The following AGBL1 variants were observed in gnomAD, a reference collection of about 807,000 sequenced individuals.
AGBL1 encodes the protein cytosolic carboxypeptidase 4.
A neutral mutation model predicts 118.9 loss-of-function variants in AGBL1; 130 were observed. The ratio of observed to expected loss-of-function variants is 1.09; its 90% confidence interval spans 0.95 to 1.26. The LOEUF (loss-of-function observed/expected upper bound fraction) is 1.26. Among genes scored for constraint, AGBL1 ranks in the 50% most tolerant of loss-of-function variants. The pLI is 0.00. For synonymous variants in AGBL1, 555 were observed against 478.9 expected, an observed-to-expected ratio of 1.16 and a Z score of -2.08; for missense variants, 1,584 against 1,298.1, an observed-to-expected ratio of 1.22 and a Z score of -3.38.
intron 22 of AGBL1, among the ~76,000 whole-genome samples, chr15:86,893,739 A>G (rs1414660443): frequency 1.3e-5 from 2 of 152,180 alleles, no homozygotes; most frequent in East Asian, 3.9e-4. Context: ...CTTTGTCTCC[A>G]AACTCTGTGG....
intron 3 of AGBL1, among the ~76,000 whole-genome samples, chr15:86,144,415 C>T (rs1037627871): frequency 4.6e-5 from 7 of 152,280 alleles, no homozygotes; most frequent in South Asian, 2.1e-4. Context: ...ACGGACTCAA[C>T]CTAAACGCCC....
intron 18 of AGBL1, among the ~76,000 whole-genome samples, chr15:86,490,692 G>A (rs1446332272): frequency 1.3e-5 from 2 of 152,220 alleles, no homozygotes; most frequent in Non-Finnish European, 2.9e-5. Context: ...TTAGGAAACC[G>A]AATGCAAACT....
chr15:86,100,101 C>T (rs969263044), intron 1 of AGBL1, among the ~76,000 whole-genome samples: 2 of 151,468 alleles, frequency 1.3e-5, no homozygotes, highest in African/African-American at 4.9e-5. Flanking sequence ...TGTCAGATGG[C>T]TTTTATCCTT....
chr15:86,154,497 G>A lies in AGBL1; in HGVS notation c.330G>A (p.Lys110=), dbSNP rs754898743. 1 of 1,613,252 alleles carries A rather than the reference G, an allele frequency of 6.2e-7. No individual in the cohort carries two copies. ...ALDVTLILAR[K]NLSHGQNLLH... Reference sequence around the variant, plus strand: ...ATGTGACATTGATTCTGGCCAGGAAGAACCTATCCCATGGCCAGAATCTCC... The same window carrying A: ...ATGTGACATTGATTCTGGCCAGGAAAAACCTATCCCATGGCCAGAATCTCC... Residue 110 remains lysine, a synonymous_variant, in exon 4 of 23, where the codon AAG becomes AAA. Transcript: ENST00000614907.
rs569917891 is a variant in AGBL1, at chr15:86,301,490, A to G, written c.2374+6082A>G. Among the ~76,000 whole-genome samples the G allele has an allele frequency of 4.3e-4, 65 of 152,068 alleles. 2 individuals carry two copies. The South Asian group carries it at 0.013, about 30-fold the overall frequency. ...AGAGCATAATGAGTTCTCTCCATGG[A>G]AATCTTTAATAAAAGAAGTCAGAGA... On this transcript the variant is annotated intron_variant, in intron 17 of 22. Coordinates refer to ENST00000614907, the MANE Select transcript of AGBL1 (RefSeq NM_001386094.1).
In AGBL1 at chr15:86,224,837, C is replaced by A. The variant is rs567809659; in HGVS notation, c.489-77C>A. The A allele has an allele frequency of 3.3e-4, 475 of 1,423,110 alleles. 8 individuals are homozygous for A. The South Asian group carries it at 5.3e-3, about 16-fold the overall frequency. The allele number at this position is 1,423,110 out of a possible 1,614,324, so 88.2% of individuals were successfully genotyped here. On this transcript the variant is annotated intron_variant, in intron 5 of 22. Transcript: ENST00000614907. The stretch of plus-strand genomic sequence containing the variant: ...GGGTCTGTTATGGGGTGGCAATGGG[C>A]ATGCTGGCTGTGGGATCCATGTGCT...
chr15:86,114,757 C>T (rs1420644983), intron 1 of AGBL1, among the ~76,000 whole-genome samples: 2 of 152,112 alleles, frequency 1.3e-5, no homozygotes, highest in Non-Finnish European at 2.9e-5. Context: ...CAAATGACAA[C>T]CCACACCATG....
At chr15:86,256,627 G>T (rs983284049) in intron 7 of AGBL1, among the ~76,000 whole-genome samples, 4 of 152,202 alleles carry the variant, frequency 2.6e-5, no homozygotes, top group African/African-American at 4.8e-5. Flanking sequence ...ATGAGCAAGA[G>T]ACAGAAAAGT....
rs187150857 is a variant in AGBL1, at chr15:86,705,350, G to T, written c.3158+30914G>T. 5.9e-5 allele frequency among the ~76,000 whole-genome samples: 9 copies of T among 152,212 alleles called. No individual in the cohort carries two copies. In the East Asian group the frequency reaches 1.5e-3, roughly 26 times the overall value. On this transcript the variant is annotated intron_variant, in intron 22 of 22. Transcript: ENST00000614907. The stretch of plus-strand genomic sequence containing the variant: ...TTTTAAATAAATTACCCAGTCTTGG[G>T]TATGTCTTTATTAACAACGTAAGAA...
intron 9 of AGBL1, among the ~76,000 whole-genome samples, chr15:86,259,969 G>A (rs2078956429): frequency 6.6e-6 from 1 of 152,218 alleles, no homozygotes; most frequent in Non-Finnish European, 1.5e-5. Context: ...GTGGGGTAGA[G>A]AGAACCCTAA....
intron 22 of AGBL1, among the ~76,000 whole-genome samples, chr15:86,721,741 G>A (rs1279561108): frequency 6.6e-6 from 1 of 152,172 alleles, no homozygotes; most frequent in Non-Finnish European, 1.5e-5. Context: ...TGACATGATT[G>A]TATATCTAGA....
intron 19 of AGBL1, among the ~76,000 whole-genome samples, chr15:86,536,629 G>A (rs1439058412): frequency 6.6e-6 from 1 of 152,186 alleles, no homozygotes; most frequent in Non-Finnish European, 1.5e-5. Context: ...GATGTTCTTA[G>A]AGGGAGGGCA....
At chr15:86,575,450 T>C (rs1429888445) in intron 21 of AGBL1, among the ~76,000 whole-genome samples, 1 of 151,928 alleles carries the variant, frequency 6.6e-6, no homozygotes, top group Non-Finnish European at 1.5e-5. Context: ...CAGTGAGCCA[T>C]GTTTGTGCCA....
intron 17 of AGBL1, among the ~76,000 whole-genome samples, chr15:86,350,524 T>C (rs1203115017): frequency 6.6e-6 from 1 of 152,228 alleles, no homozygotes; most frequent in East Asian, 1.9e-4. Flanking sequence ...GCCTTTGCTG[T>C]TCCGTATACA....
intron 16 of AGBL1, among the ~76,000 whole-genome samples, chr15:86,286,343 G>T (rs1281869344): frequency 6.6e-6 from 1 of 151,782 alleles, no homozygotes; most frequent in Non-Finnish European, 1.5e-5. Flanking sequence ...TAGGGATTTT[G>T]GAATAATTCT....
At chr15:86,722,077 C>G (rs979827062) in intron 22 of AGBL1, among the ~76,000 whole-genome samples, 1 of 152,066 alleles carries the variant, frequency 6.6e-6, no homozygotes, top group Non-Finnish European at 1.5e-5. Flanking sequence ...AATGGCCATA[C>G]TGCCCAAGGT....
chr15:86,986,175 C>T (rs546732081), intron 23 of AGBL1, among the ~76,000 whole-genome samples: 5 of 152,270 alleles, frequency 3.3e-5, no homozygotes, highest in South Asian at 2.1e-4. Flanking sequence ...CCACCCGCCT[C>T]GGCCTCCCAA....
chr15:86,977,413 T>C (rs1379683863), intron 23 of AGBL1, among the ~76,000 whole-genome samples: 1 of 151,630 alleles, frequency 6.6e-6, no homozygotes, highest in Non-Finnish European at 1.5e-5. Flanking sequence ...ACTATTGTGA[T>C]ACATTTATTT....
intron 17 of AGBL1, among the ~76,000 whole-genome samples, chr15:86,373,448 A>G (rs894908829): frequency 6.6e-6 from 1 of 152,218 alleles, no homozygotes; most frequent in African/African-American, 2.4e-5. Flanking sequence ...TCTAAAGGCC[A>G]GGACTGGGAG....
Sources: allele counts gnomAD v4.1 joint callset (sites outside exome capture counted in the v4.1 genomes callset), GRCh38; gene constraint gnomAD v4.1.1; transcripts MANE v1.5; gene names NCBI Gene and HGNC (gene_info 2026-07-23, HGNC 2026-07-21).